Variants in HPS3 observed in about 807,000 individuals in gnomAD.
The protein encoded by HPS3 is HPS3 biogenesis of lysosomal organelles complex 2 subunit 1.
A neutral mutation model predicts 110.9 loss-of-function variants in HPS3; 79 were observed. The observed-to-expected ratio is 0.71, with a 90% CI of 0.59 to 0.86. The LOEUF is 0.86. Among genes scored for constraint, HPS3 ranks in the 40% least tolerant of loss-of-function variants. The pLI, the probability that HPS3 is intolerant of heterozygous loss-of-function variation, is 0.00. For synonymous variants in HPS3, 428 were observed against 451.0 expected (o/e 0.95, Z 0.65); for missense variants, 1,197 against 1,206.2 (o/e 0.99, Z 0.11).
At chr3:149,162,105 A>C in intron 11 of HPS3, 43 bp from the exon 12 acceptor site, 1 of 1,498,318 alleles carries the variant, frequency 6.7e-7, no homozygotes, top group Non-Finnish European at 9.3e-7. Context: ...GACAATCTAA[A>C]TACAATGTAC....
chr3:149,139,651 T>C (rs1043748321), intron 1 of HPS3, among the ~76,000 whole-genome samples: 1 of 152,228 alleles, frequency 6.6e-6, no homozygotes, highest in Non-Finnish European at 1.5e-5. Context: ...TACCTAATTT[T>C]GGTGTCACCC....
chr3:149,162,540 A>C (rs1019045369), intron 12 of HPS3, 150 bp from the exon 13 acceptor site: 6 of 1,003,846 alleles, frequency 6.0e-6, no homozygotes, highest in Non-Finnish European at 9.3e-6. Context: ...TCCTTTTAAA[A>C]ATGTCTAAAT....
In HPS3 at chr3:149,132,433, A is replaced by T. The variant is rs879935334; in HGVS notation, c.217+2493A>T. On this transcript the variant is annotated intron_variant, in intron 1 of 16. Transcript: ENST00000296051. ...TCTGCCTGTGCTTTAGAATGAAAAA[A>T]GCCTGGGTGACAGCACAGCTGTTAC... 7.9e-5 allele frequency among the ~76,000 whole-genome samples: 12 copies of T among 152,234 alleles called. No homozygotes were observed. In the East Asian group the frequency reaches 2.3e-3, roughly 29 times the overall value.
intron 5 of HPS3, among the ~76,000 whole-genome samples, 168 bp from the exon 6 acceptor site, chr3:149,150,431 G>C (rs1559914936): frequency 6.6e-6 from 1 of 152,174 alleles, no homozygotes; most frequent in Non-Finnish European, 1.5e-5. Context: ...ACACCACAGG[G>C]ATTCTGAGGC....
chr3:149,164,322 G>T (rs184980971), intron 14 of HPS3, among the ~76,000 whole-genome samples: 2 of 152,214 alleles, frequency 1.3e-5, no homozygotes, highest in African/African-American at 4.8e-5. Context: ...CACATTTTAG[G>T]TCTCTAACCC....
chr3:149,131,044 T>C (rs1218279597), intron 1 of HPS3, among the ~76,000 whole-genome samples: 4 of 151,746 alleles, frequency 2.6e-5, no homozygotes, highest in Admixed American at 6.6e-5. Flanking sequence ...ACCTGGAAGA[T>C]TGGAGATCTC....
intron 1 of HPS3, 124 bp downstream of exon 1, chr3:149,130,064 G>T (rs908601750): frequency 4.2e-6 from 4 of 957,730 alleles, no homozygotes; most frequent in Admixed American, 4.4e-5. Context: ...GAATTTGCCG[G>T]ATGGTCTCCC....
chr3:149,129,980 C>A, intron 1 of HPS3, 40 bp downstream of exon 1: 11 of 1,506,816 alleles, frequency 7.3e-6, no homozygotes, highest in Non-Finnish European at 9.8e-6. Context: ...TGGGGTCCAG[C>A]TTGAGGCCTC....
chr3:149,157,915 G>T (rs1178050616), intron 9 of HPS3, among the ~76,000 whole-genome samples: 1 of 152,320 alleles, frequency 6.6e-6, no homozygotes, highest in South Asian at 2.1e-4. Flanking sequence ...AAACAAAGTG[G>T]TTGTTTTCCA....
At chr3:149,157,951 C>CT (rs1723557581) in intron 9 of HPS3, among the ~76,000 whole-genome samples, 1 of 152,148 alleles carries the variant, frequency 6.6e-6, no homozygotes, top group South Asian at 2.1e-4. Context: ...AGCTGAAGGA[C>CT]TTTTTTCCCA....
chr3:149,166,006 T>C (rs974590136), intron 14 of HPS3: 59 of 456,156 alleles, frequency 1.3e-4, no homozygotes, highest in African/African-American at 5.4e-4. Context: ...CTGACTGTGA[T>C]TGGGTAGATC....
In HPS3 at chr3:149,129,832, G is replaced by C; in HGVS notation, c.109G>C (p.Ala37Pro). Residue 37 changes from alanine (A) to proline (P), a missense_variant, in exon 1 of 17, where the codon GCG becomes CCG. By Grantham distance (27) the Ala-to-Pro change is conservative (BLOSUM62 -1). Coordinates refer to ENST00000296051, the MANE Select transcript of HPS3 (RefSeq NM_032383.5). ...GGGRDALFVA[A>P]GCKVEAFAVA... ...GGGGCGTGACGCGCTTTTCGTGGCG[G>C]CGGGCTGCAAGGTGGAGGCGTTCGC... 6.2e-7 allele frequency: 1 copy of C among 1,605,216 alleles called. No homozygotes were observed. Among genetic ancestry groups the C allele is most frequent in the Non-Finnish European group, 8.5e-7 (1 of 1,179,110 alleles).
At chr3:149,165,938 G>A in intron 14 of HPS3, 1 of 447,164 alleles carries the variant, frequency 2.2e-6, no homozygotes, top group Non-Finnish European at 4.5e-6. Context: ...GGAAGAAAAG[G>A]TACCAACCTT....
intron 14 of HPS3, chr3:149,165,889 T>C (rs547038027): frequency 1.2e-5 from 5 of 412,480 alleles, no homozygotes; most frequent in African/African-American, 1.0e-4. Flanking sequence ...CATCTGATTG[T>C]CAGGAAATTA....
chr3:149,156,562 A>T (rs1476606509), intron 8 of HPS3, among the ~76,000 whole-genome samples: 2 of 144,652 alleles, frequency 1.4e-5, no homozygotes, highest in Admixed American at 6.9e-5. Flanking sequence ...AGTATTCCTT[A>T]TTTAGGGTTT....
intron 11 of HPS3, among the ~76,000 whole-genome samples, chr3:149,161,612 C>T (rs901987129): frequency 2.0e-5 from 3 of 149,906 alleles, no homozygotes; most frequent in South Asian, 2.1e-4. Context: ...CAGGTTCAAG[C>T]GATTCTCCTG....
rs1296568254 is a variant in HPS3, at chr3:149,140,269, G to T, written c.483G>T (p.Leu161Phe). 6.2e-7 allele frequency: 1 copy of T among 1,614,136 alleles called. No homozygotes were observed. The highest frequency in any genetic ancestry group is 2.2e-5 in the East Asian group (1 of 44,880). Residue 161 changes from leucine to phenylalanine, a missense_variant, in exon 2 of 17, where the codon TTG becomes TTT. Transcript: ENST00000296051. ...GCTNKLVLFS[L>F]KYQIINEEFS... ...CAAATAAATTAGTCTTATTTAGTTT[G>T]AAGTACCAGATCATTAATGAGGAAT...
At chr3:149,148,705 ATTT>A (rs879309958) in intron 5 of HPS3, among the ~76,000 whole-genome samples, 6 of 146,316 alleles carry the variant, frequency 4.1e-5, no homozygotes, top group African/African-American at 1.0e-4. Context: ...ATGCCCGGCC[ATTT>A]TTTTTTTTTT....
In HPS3 at chr3:149,161,417, A is replaced by G. The variant is rs559559497; in HGVS notation, c.2107-731A>G. 6.6e-5 allele frequency among the ~76,000 whole-genome samples: 10 copies of G among 152,050 alleles called. No homozygotes were observed. The East Asian group carries it at 9.6e-4, about 15-fold the overall frequency. ...ACTTATAATACCTAATATAATGTCAACTGCTATGCACATAGTTGTTAATAC... is the reference window on the plus strand; with the variant it reads ...ACTTATAATACCTAATATAATGTCAGCTGCTATGCACATAGTTGTTAATAC... On this transcript the variant is annotated intron_variant, in intron 11 of 16. Coordinates refer to ENST00000296051, the MANE Select transcript of HPS3 (RefSeq NM_032383.5).
Sources: gnomAD v4.1 joint callset for allele counts (sites outside exome capture counted in the v4.1 genomes callset) on GRCh38, gnomAD v4.1.1 for gene constraint, MANE v1.5 for transcripts, NCBI Gene and HGNC (gene_info 2026-07-23, HGNC 2026-07-21) for gene names.